Variants in MYOF observed in about 807,000 individuals in gnomAD.
The protein encoded by MYOF is myoferlin.
MYOF carries 244 observed loss-of-function variants against 284.2 expected under a neutral mutation model. The ratio of observed to expected loss-of-function variants is 0.86; its 90% confidence interval spans 0.77 to 0.95. The LOEUF is 0.95. Among genes scored for constraint, MYOF ranks in the 40% least tolerant of loss-of-function variants. The pLI is 0.00. For missense variants in MYOF, 2,496 were observed against 2,560.6 expected, an observed-to-expected ratio of 0.97 and a Z score of 0.54; for synonymous variants, 904 against 919.7, an observed-to-expected ratio of 0.98 and a Z score of 0.31.
At chr10:93,338,877 T>C (rs1843736842) in intron 39 of MYOF, among the ~76,000 whole-genome samples, 1 of 151,368 alleles carries the variant, frequency 6.6e-6, no homozygotes, top group Non-Finnish European at 1.5e-5. Flanking sequence ...TAGATTCTTA[T>C]CAGACCCCCT....
chr10:93,382,074 G>T (rs989372343), intron 19 of MYOF, among the ~76,000 whole-genome samples: 1 of 151,984 alleles, frequency 6.6e-6, no homozygotes, highest in African/African-American at 2.4e-5. Context: ...CTATTAAATA[G>T]ATATTTTAAT....
chr10:93,473,008 C>A (rs557479386), intron 1 of MYOF, among the ~76,000 whole-genome samples: 1 of 152,324 alleles, frequency 6.6e-6, no homozygotes, highest in African/African-American at 2.4e-5. Flanking sequence ...ATAGATTATT[C>A]TCCACACTCT....
At chr10:93,379,336 C>T (rs999856106) in intron 21 of MYOF, among the ~76,000 whole-genome samples, 4 of 152,172 alleles carry the variant, frequency 2.6e-5, no homozygotes, top group Non-Finnish European at 5.9e-5. Context: ...CTATGAGTTC[C>T]TGTTCCACCC....
chr10:93,348,098 T>C (rs1445414032), intron 36 of MYOF, among the ~76,000 whole-genome samples: 1 of 152,214 alleles, frequency 6.6e-6, no homozygotes, highest in Non-Finnish European at 1.5e-5. Context: ...ACCTGACCCA[T>C]GCTGTGTCCT....
At chr10:93,439,167 C>T (rs1209218061) in intron 3 of MYOF, among the ~76,000 whole-genome samples, 1 of 152,118 alleles carries the variant, frequency 6.6e-6, no homozygotes, top group East Asian at 1.9e-4. Flanking sequence ...ACTCTGGCCA[C>T]TATGGTATCA....
chr10:93,437,719 G>A (rs1004931651), intron 3 of MYOF, among the ~76,000 whole-genome samples: 1 of 152,134 alleles, frequency 6.6e-6, no homozygotes. Flanking sequence ...TCGAAGCAGG[G>A]GCTCTCAGTT....
intron 48 of MYOF, among the ~76,000 whole-genome samples, chr10:93,322,205 T>C (rs1274019929): frequency 2.6e-5 from 4 of 152,186 alleles, no homozygotes; most frequent in Admixed American, 6.5e-5. Context: ...GGATTATAGG[T>C]GAAACTTTGT....
intron 42 of MYOF, 115 bp downstream of exon 42, chr10:93,333,643 G>A (rs1843449694): frequency 2.2e-6 from 3 of 1,348,360 alleles, no homozygotes; most frequent in Admixed American, 2.1e-5. Flanking sequence ...TTTTGATGGA[G>A]TATCTTTCCC....
intron 3 of MYOF, among the ~76,000 whole-genome samples, chr10:93,431,748 T>TTTC (rs1205728154): frequency 1.8e-4 from 26 of 146,306 alleles, no homozygotes; most frequent in East Asian, 4.0e-4. Flanking sequence ...TTTCTTTTCT[T>TTTC]TTTTTTTTTT....
chr10:93,465,528 T>TTTTTTTC lies in MYOF; in HGVS notation c.89-8592_89-8591insGAAAAAA, dbSNP rs537871667. On this transcript the variant is annotated intron_variant, in intron 1 of 53. Coordinates refer to ENST00000359263, the MANE Select transcript of MYOF (RefSeq NM_013451.4). Reference sequence around the variant, plus strand: ...TTTTTCTTTTCTTTTTTCTTTCTTTTTTTTCTTTTCTTTTTTTTTTTTTTT... The same window carrying TTTTTTTC: ...TTTTTCTTTTCTTTTTTCTTTCTTTTTTTTTTCTTTTCTTTTCTTTTTTTTTTTTTTT... Among the ~76,000 whole-genome samples, 17 of 105,020 alleles carry TTTTTTTC rather than the reference T, an allele frequency of 1.6e-4. 1 individual carries two copies. The highest frequency in any genetic ancestry group is 3.6e-4 in the Admixed American group (3 of 8,362). The allele number at this position is 105,020 out of a possible 152,430, so 68.9% of individuals were successfully genotyped here.
At chr10:93,477,708 G>C (rs139130104) in intron 1 of MYOF, among the ~76,000 whole-genome samples, 14 of 151,850 alleles carry the variant, frequency 9.2e-5, no homozygotes, top group Non-Finnish European at 1.6e-4. Flanking sequence ...TTAGCCGGGC[G>C]TGATGGCGGG....
At position 93,396,068 on chromosome 10, in the gene MYOF, C is replaced by CA. The variant is rs1564681149; in HGVS notation, c.1417+73_1417+74insT. The CA allele has an allele frequency of 3.4e-6, 4 of 1,169,314 alleles. No homozygotes were observed. The African/African-American group carries it at 6.2e-5, about 18-fold the overall frequency. 72.4% of individuals were successfully genotyped at this position (1,169,314 alleles called of 1,614,324 possible). A position where few individuals can be genotyped will look rare whatever the true frequency, so the allele number is the denominator to read the frequency against. On this transcript the variant is annotated intron_variant, in intron 16 of 53. Transcript: ENST00000359263. Reference sequence around the variant, plus strand: ...ACCAAACCTACTGTGAGGTGGCTACCCCAGTTCATTTTTTTCTCAGACTGG... The same window carrying CA: ...ACCAAACCTACTGTGAGGTGGCTACCACCAGTTCATTTTTTTCTCAGACTGG...
chr10:93,468,598 C>T (rs1470045143), intron 1 of MYOF, among the ~76,000 whole-genome samples: 1 of 152,232 alleles, frequency 6.6e-6, no homozygotes, highest in Non-Finnish European at 1.5e-5. Flanking sequence ...ATAATTAGAT[C>T]CTATCCCTCC....
At chr10:93,375,165 G>A (rs1293103069) in intron 22 of MYOF, among the ~76,000 whole-genome samples, 2 of 152,208 alleles carry the variant, frequency 1.3e-5, no homozygotes, top group Non-Finnish European at 2.9e-5. Context: ...TGTTCATAAG[G>A]AATACAGGGA....
intron 26 of MYOF, among the ~76,000 whole-genome samples, chr10:93,365,690 CTCTTGTGTTTCTGCGCA>C (rs1327791695): frequency 1.3e-5 from 2 of 152,186 alleles, no homozygotes; most frequent in East Asian, 3.8e-4. Flanking sequence ...CTCTGCGAGT[CTCTTGTGTTTCTGCGCA>C]TCTTGTGAGC....
chr10:93,395,684 T>C (rs540550045), intron 16 of MYOF, among the ~76,000 whole-genome samples: 1 of 152,064 alleles, frequency 6.6e-6, no homozygotes, highest in South Asian at 2.1e-4. Context: ...GAGGACTACA[T>C]GGTTCATTGG....
chr10:93,433,349 G>T (rs1276302905), intron 3 of MYOF, among the ~76,000 whole-genome samples: 1 of 152,074 alleles, frequency 6.6e-6, no homozygotes, highest in East Asian at 1.9e-4. Flanking sequence ...AGTAGAGATG[G>T]GATTTCTCCA....
chr10:93,394,878 C>A (rs1846921540), intron 16 of MYOF, among the ~76,000 whole-genome samples: 1 of 150,330 alleles, frequency 6.7e-6, no homozygotes, highest in Admixed American at 6.6e-5. Flanking sequence ...ACTATATATA[C>A]ATACATATAG....
At chr10:93,410,880 A>C (rs1847873342) in intron 5 of MYOF, among the ~76,000 whole-genome samples, 1 of 152,224 alleles carries the variant, frequency 6.6e-6, no homozygotes, top group South Asian at 2.1e-4. Flanking sequence ...TCAGATTACT[A>C]TGTAGCATAG....
Sources: allele counts gnomAD v4.1 joint callset (sites outside exome capture counted in the v4.1 genomes callset), GRCh38; gene constraint gnomAD v4.1.1; transcripts MANE v1.5; gene names NCBI Gene and HGNC (gene_info 2026-07-23, HGNC 2026-07-21).